USP34: variants seen among roughly 807,000 people sequenced by gnomAD.
USP34 encodes the protein ubiquitin specific peptidase 34.
USP34 carries 70 observed loss-of-function variants against 460.3 expected under a neutral mutation model. That is an observed-to-expected ratio of 0.15 (90% CI 0.13 to 0.19). The LOEUF is 0.19. Among genes scored for constraint, USP34 ranks in the 10% least tolerant of loss-of-function variants. USP34 has a pLI of 1.00. For synonymous variants in USP34, 1,647 were observed against 1,405.3 expected (o/e 1.17, Z -3.85); for missense variants, 3,985 against 4,236.2 (o/e 0.94, Z 1.65).
At chr2:61,469,959 T>C (rs922106376) in intron 1 of USP34, among the ~76,000 whole-genome samples, 1 of 152,202 alleles carries the variant, frequency 6.6e-6, no homozygotes, top group African/African-American at 2.4e-5. Flanking sequence ...AGATAGGCCA[T>C]AACTATCCCG....
intron 43 of USP34, 114 bp from the exon 44 acceptor site, chr2:61,259,890 A>C (rs115968049): frequency 2.2e-6 from 2 of 889,176 alleles, no homozygotes; most frequent in African/African-American, 1.7e-5. Flanking sequence ...TCTTTTGGCT[A>C]TATAAAAGAA....
At chr2:61,197,800 C>T (rs1406653961) in intron 75 of USP34, among the ~76,000 whole-genome samples, 4 of 152,166 alleles carry the variant, frequency 2.6e-5, no homozygotes, top group Non-Finnish European at 4.4e-5. Flanking sequence ...CACTCTGTTG[C>T]TCAGGCTGGA....
chr2:61,356,475 G>GCGCGCGCGCA (rs369666693), intron 10 of USP34, among the ~76,000 whole-genome samples: 16 of 128,424 alleles, frequency 1.2e-4, no homozygotes, highest in African/African-American at 2.7e-4. Context: ...GGGTGAAAGC[G>GCGCGCGCGCA]CACACACACA....
At chr2:61,277,589 T>C (rs1046028972) in intron 41 of USP34, 12 of 152,426 alleles carry the variant, frequency 7.9e-5, no homozygotes, top group African/African-American at 2.9e-4. Context: ...TCTGATTTTG[T>C]ATTCTAAAAA....
At chr2:61,415,058 C>G (rs1041813895) in intron 2 of USP34, among the ~76,000 whole-genome samples, 1 of 152,110 alleles carries the variant, frequency 6.6e-6, no homozygotes, top group Non-Finnish European at 1.5e-5. Flanking sequence ...GGGGTAGCCT[C>G]CGGTCCTTTT....
At chr2:61,454,681 C>A (rs1275684512) in intron 1 of USP34, among the ~76,000 whole-genome samples, 3 of 151,806 alleles carry the variant, frequency 2.0e-5, no homozygotes, top group Non-Finnish European at 4.4e-5. Flanking sequence ...TCCCGAGTAG[C>A]CAAGATTACA....
At chr2:61,356,445 G>A (rs1316651848) in intron 10 of USP34, among the ~76,000 whole-genome samples, 3 of 151,658 alleles carry the variant, frequency 2.0e-5, no homozygotes, top group African/African-American at 7.3e-5. Flanking sequence ...AGCCATAATT[G>A]TGCCACAGCA....
intron 1 of USP34, among the ~76,000 whole-genome samples, chr2:61,426,625 C>G (rs1460794484): frequency 1.3e-5 from 2 of 152,228 alleles, no homozygotes; most frequent in African/African-American, 4.8e-5. Context: ...CACCTGGGGT[C>G]TAGAGATCTT....
rs1012642434 is a variant in USP34 at position 61,246,208 on chromosome 2, ATT to A, written c.6548+114_6548+115del. On this transcript the variant is annotated intron_variant, in intron 50 of 79. Coordinates refer to ENST00000398571, the MANE Select transcript of USP34 (RefSeq NM_014709.4). The stretch of plus-strand genomic sequence containing the variant: ...TGTTGAAAGTTATCTTCATTTAAAA[ATT>A]TTGTCTGCCTCATTTCCAACTTTTG... 4.0e-6 allele frequency: 3 copies of A among 756,188 alleles called. No individual in the cohort carries two copies. In the African/African-American group the frequency reaches 5.4e-5, roughly 14 times the overall value. 46.8% of individuals were successfully genotyped at this position (756,188 alleles called of 1,614,324 possible). A position where few individuals can be genotyped will look rare whatever the true frequency, so the allele number is the denominator to read the frequency against.
At position 61,214,217 on chromosome 2, in the gene USP34, T is replaced by C; in HGVS notation, c.8525A>G (p.Asp2842Gly). 6.2e-7 allele frequency: 1 copy of C among 1,614,192 alleles called. No homozygotes were observed. The highest frequency in any genetic ancestry group is 8.5e-7 in the Non-Finnish European group (1 of 1,180,036). Residue 2842 changes from aspartate (D) to glycine (G), a missense_variant, in exon 68 of 80, where the codon GAT becomes GGT. Coordinates refer to ENST00000398571, the MANE Select transcript of USP34 (RefSeq NM_014709.4). ...CATCCCACGGTTAAAAAGCACCACA[T>C]CCTGATCATCATGGTCAGCAAGGAT... ...NYILADHDDQ[D>G]VVLFNRGMLP...
At chr2:61,396,985 G>C (rs574892052) in intron 3 of USP34, among the ~76,000 whole-genome samples, 3 of 152,172 alleles carry the variant, frequency 2.0e-5, no homozygotes, top group African/African-American at 7.2e-5. Flanking sequence ...CTTACATACA[G>C]ACAAAACACC....
rs1161202058 is a variant in USP34, at chr2:61,257,099, C to T, written c.6001G>A (p.Val2001Ile). Residue 2001 changes from valine (V) to isoleucine (I), a missense_variant, in exon 46 of 80, where the codon GTC (valine) becomes ATC (isoleucine). Physicochemically the swap from Val to Ile is conservative, Grantham distance 29. This residue lies in a region of USP34 where 145 missense variants were observed against 291.6 expected (regional missense o/e 0.50). Transcript: ENST00000398571. ...EEMSPELKNT[V>I]KSLFGGVITN... Reference sequence around the variant, plus strand: ...ATTACACCTCCAAATAAACTTTTGACGGTATTTTTCTTTAATATAAAACAA... The same window carrying T: ...ATTACACCTCCAAATAAACTTTTGATGGTATTTTTCTTTAATATAAAACAA... 1.9e-6 allele frequency: 3 copies of T among 1,579,798 alleles called. No homozygotes were observed. The highest frequency in any genetic ancestry group is 2.6e-6 in the Non-Finnish European group (3 of 1,165,924).
intron 2 of USP34, among the ~76,000 whole-genome samples, chr2:61,415,487 G>A (rs140143233): frequency 1.3e-5 from 2 of 152,244 alleles, no homozygotes; most frequent in African/African-American, 4.8e-5. Context: ...AGAGAACTGG[G>A]GAGGGTAAAA....
At chr2:61,333,357 C>G (rs1281813425) in intron 19 of USP34, among the ~76,000 whole-genome samples, 1 of 152,020 alleles carries the variant, frequency 6.6e-6, no homozygotes, top group African/African-American at 2.4e-5. Context: ...CATAACTAAT[C>G]CAAAAATCCA....
At chr2:61,232,102 ACTATAGTACC>A (rs1687923091) in intron 58 of USP34, among the ~76,000 whole-genome samples, 3 of 152,104 alleles carry the variant, frequency 2.0e-5, no homozygotes. Context: ...TTTTGAGGTC[ACTATAGTACC>A]CTACCATGGT....
At chr2:61,327,499 T>C (rs1054313670) in intron 20 of USP34, among the ~76,000 whole-genome samples, 2 of 152,232 alleles carry the variant, frequency 1.3e-5, no homozygotes, top group Non-Finnish European at 2.9e-5. Context: ...ATGAGTTGTA[T>C]GACCCATCAG....
In USP34 at chr2:61,237,554, A is replaced by ATTTT. The variant is rs71403400; in HGVS notation, c.6778-1169_6778-1166dup. ...GTATGTGTATAGCTATTTTCTGTGG[A>ATTTT]TTTTTTTTTTTTTTTTTTTTTTTTT... On this transcript the variant is annotated intron_variant, in intron 53 of 79. Coordinates refer to ENST00000398571, the MANE Select transcript of USP34 (RefSeq NM_014709.4). Among the ~76,000 whole-genome samples the ATTTT allele has an allele frequency of 2.2e-4, 10 of 45,152 alleles. 1 individual carries two copies. Among genetic ancestry groups the ATTTT allele is most frequent in the East Asian group, 1.3e-3 (2 of 1,516 alleles). 29.6% of individuals were successfully genotyped at this position (45,152 alleles called of 152,430 possible). A position where few individuals can be genotyped will look rare whatever the true frequency, so the allele number is the denominator to read the frequency against.
intron 29 of USP34, among the ~76,000 whole-genome samples, chr2:61,298,398 C>A (rs1479398426): frequency 3.6e-5 from 5 of 140,098 alleles, no homozygotes; most frequent in African/African-American, 1.3e-4. Context: ...ACTAGCTGGG[C>A]GTGGTGGCGT....
At chr2:61,409,095 C>G (rs1693964903) in intron 2 of USP34, among the ~76,000 whole-genome samples, 1 of 152,078 alleles carries the variant, frequency 6.6e-6, no homozygotes. Context: ...TGGCACACAC[C>G]TGTAATCCCA....
Sources: allele counts gnomAD v4.1 joint callset (sites outside exome capture counted in the v4.1 genomes callset), GRCh38; gene constraint gnomAD v4.1.1; regional missense constraint gnomAD v4.1.1; transcripts MANE v1.5; gene names NCBI Gene and HGNC (gene_info 2026-07-23, HGNC 2026-07-21).